The following RAB22A variants were observed in gnomAD, a reference collection of about 807,000 sequenced individuals.
RAB22A encodes RAB22A, member RAS oncogene family.
In RAB22A, 13 loss-of-function variants were observed where a neutral mutation model predicts 30.2. The observed-to-expected ratio is 0.43, with a 90% CI of 0.28 to 0.68. The LOEUF (loss-of-function observed/expected upper bound fraction) is 0.68, where lower values mean the gene tolerates loss of function less well. Ranked by LOEUF, RAB22A falls within the 30% of genes least tolerant of loss-of-function variation. The pLI is 0.18. For missense variants in RAB22A, 177 were observed against 246.8 expected (o/e 0.72, Z 1.89); for synonymous variants, 89 against 87.2 (o/e 1.02, Z -0.11).
At chr20:58,323,415 G>C (rs1986496622) in intron 2 of RAB22A, among the ~76,000 whole-genome samples, 1 of 151,608 alleles carries the variant, frequency 6.6e-6, no homozygotes, top group Non-Finnish European at 1.5e-5. Flanking sequence ...TATCACCTGG[G>C]AATTAGTTTT....
At chr20:58,333,276 C>CATAAATAAATAAATAA (rs58194504) in intron 2 of RAB22A, among the ~76,000 whole-genome samples, 13,905 of 143,578 alleles carry the variant, frequency 0.097, 762 homozygotes, top group South Asian at 0.12. Flanking sequence ...GAGACTCCAT[C>CATAAATAAATAAATAA]ATAAATAAAT....
At chr20:58,339,483 T>C (rs1313719576) in intron 2 of RAB22A, among the ~76,000 whole-genome samples, 1 of 152,204 alleles carries the variant, frequency 6.6e-6, no homozygotes, top group Non-Finnish European at 1.5e-5. Flanking sequence ...ATCCTAGAGT[T>C]CTAGTGACAA....
rs977859838 is a variant in RAB22A, at chr20:58,362,496, A to G, written c.*2793A>G. ...TTTTAAAACTCTCAGGACTGAACAG[A>G]AGAGAAAAATTATTAATTAGCTGCT... On this transcript the variant is annotated 3_prime_UTR_variant, in exon 7 of 7. Coordinates refer to ENST00000244040, the MANE Select transcript of RAB22A (RefSeq NM_020673.3). The G allele has an allele frequency of 1.4e-4, 21 of 152,236 alleles. No homozygotes were observed. The highest frequency in any genetic ancestry group is 5.1e-4 in the African/African-American group (21 of 41,448). The allele number at this position is 152,236 out of a possible 1,614,324, so 9.4% of individuals were successfully genotyped here.
At position 58,361,867 on chromosome 20, in the gene RAB22A, G is replaced by A. The variant is rs1987233206; in HGVS notation, c.*2164G>A. 1 of 151,944 alleles carries A rather than the reference G, an allele frequency of 6.6e-6. No homozygotes were observed. The highest frequency in any genetic ancestry group is 1.5e-5 in the Non-Finnish European group (1 of 68,014). The allele number at this position is 151,944 out of a possible 1,614,324, so 9.4% of individuals were successfully genotyped here. On this transcript the variant is annotated 3_prime_UTR_variant, in exon 7 of 7. Coordinates refer to ENST00000244040, the MANE Select transcript of RAB22A (RefSeq NM_020673.3). ...ATGGTGTCTCGGTGCATGGGGAAAG[G>A]CAAGGTCTTCTGAGCTCATCTTAAC...
At chr20:58,313,096 G>A (rs1912330972) in intron 2 of RAB22A, among the ~76,000 whole-genome samples, 1 of 152,096 alleles carries the variant, frequency 6.6e-6, no homozygotes, top group Non-Finnish European at 1.5e-5. Context: ...GGCTAGAAGT[G>A]CTCTCTCAAA....
intron 2 of RAB22A, among the ~76,000 whole-genome samples, chr20:58,322,455 C>A (rs1328475486): frequency 7.9e-5 from 12 of 152,186 alleles, no homozygotes; most frequent in Admixed American, 7.9e-4. Flanking sequence ...TAACAAATTT[C>A]TGTTGTATAG....
rs2122979980 is a variant in RAB22A at position 58,364,577 on chromosome 20, TAA to T, written c.*4875_*4876del. 6.6e-6 allele frequency: 1 copy of T among 152,326 alleles called. No homozygotes were observed. The highest frequency in any genetic ancestry group is 1.5e-5 in the Non-Finnish European group (1 of 68,030). 9.4% of individuals were successfully genotyped at this position (152,326 alleles called of 1,614,324 possible). A position where few individuals can be genotyped will look rare whatever the true frequency, so the allele number is the denominator to read the frequency against. On this transcript the variant is annotated 3_prime_UTR_variant, in exon 7 of 7. Coordinates refer to ENST00000244040, the MANE Select transcript of RAB22A (RefSeq NM_020673.3). ...TCTAACAGATTTAACAAAAAGTGTTTAATTTACTGCAAGTTCATTTTTAGATC... is the reference window on the plus strand; with the variant it reads ...TCTAACAGATTTAACAAAAAGTGTTTTTTACTGCAAGTTCATTTTTAGATC...
At chr20:58,350,915 A>G (rs1987037471) in intron 3 of RAB22A, among the ~76,000 whole-genome samples, 2 of 152,268 alleles carry the variant, frequency 1.3e-5, no homozygotes, top group Non-Finnish European at 2.9e-5. Flanking sequence ...TGTATAGTTT[A>G]TAGCATATAT....
chr20:58,350,677 A>G (rs1987033402), intron 3 of RAB22A, among the ~76,000 whole-genome samples: 1 of 152,240 alleles, frequency 6.6e-6, no homozygotes. Flanking sequence ...GTTTGCCAAA[A>G]TTAGTTTTCA....
chr20:58,344,929 G>A (rs762662729), intron 3 of RAB22A, among the ~76,000 whole-genome samples: 3 of 152,070 alleles, frequency 2.0e-5, no homozygotes, highest in Admixed American at 6.6e-5. Flanking sequence ...TCTGCTTACC[G>A]TCTTCCACTC....
At chr20:58,316,507 C>T (rs915806809) in intron 2 of RAB22A, among the ~76,000 whole-genome samples, 2 of 152,140 alleles carry the variant, frequency 1.3e-5, no homozygotes, top group Admixed American at 1.3e-4. Flanking sequence ...TTCCAGGAAC[C>T]CCCTTCCTCT....
intron 3 of RAB22A, among the ~76,000 whole-genome samples, chr20:58,350,852 TTTC>T (rs1202637183): frequency 6.6e-6 from 1 of 152,250 alleles, no homozygotes; most frequent in Non-Finnish European, 1.5e-5. Context: ...ACGTATGTTT[TTTC>T]TTCTTCAATT....
chr20:58,345,075 G>A (rs1302131252), intron 3 of RAB22A, among the ~76,000 whole-genome samples: 1 of 152,086 alleles, frequency 6.6e-6, no homozygotes, highest in East Asian at 1.9e-4. Context: ...TGTAGACACA[G>A]CCCTGGGTTC....
At chr20:58,312,897 G>T (rs1448514156) in intron 2 of RAB22A, among the ~76,000 whole-genome samples, 3 of 152,160 alleles carry the variant, frequency 2.0e-5, no homozygotes, top group African/African-American at 7.2e-5. Context: ...TGTCCTTTAA[G>T]AAAGAGCTGG....
intron 2 of RAB22A, among the ~76,000 whole-genome samples, chr20:58,319,446 G>A (rs1212484118): frequency 1.3e-5 from 2 of 152,160 alleles, no homozygotes; most frequent in African/African-American, 4.8e-5. Context: ...ACAATATTGT[G>A]TTCATTGCTG....
At chr20:58,310,419 C>T (rs1986201837) in intron 1 of RAB22A, among the ~76,000 whole-genome samples, 1 of 152,230 alleles carries the variant, frequency 6.6e-6, no homozygotes, top group African/African-American at 2.4e-5. Context: ...CATTAGCCTA[C>T]TTTGTCTCTT....
rs1352146987 is a variant in RAB22A at position 58,336,099 on chromosome 20, T to C, written c.117-7619T>C. 3.3e-5 allele frequency among the ~76,000 whole-genome samples: 5 copies of C among 152,148 alleles called. 1 individual carries two copies. The highest frequency in any genetic ancestry group is 7.3e-5 in the Non-Finnish European group (5 of 68,030). ...ATCTCAGCTCACTGCAACCTCCACC[T>C]CCTGGGTTCAAGCGATTCTCCTGCC... On this transcript the variant is annotated intron_variant, in intron 2 of 6. Coordinates refer to ENST00000244040, the MANE Select transcript of RAB22A (RefSeq NM_020673.3).
At position 58,314,905 on chromosome 20, in the gene RAB22A, G is replaced by GGAC. The variant is rs201613204; in HGVS notation, c.116+3785_116+3787dup. ...AAGTGAAGTAGTTGGTGGTGGTGAG[G>GGAC]GACGGTGGGTAGAAAAGAACCAGAA... On this transcript the variant is annotated intron_variant, in intron 2 of 6. Coordinates refer to ENST00000244040, the MANE Select transcript of RAB22A (RefSeq NM_020673.3). Among the ~76,000 whole-genome samples, 341 of 152,232 alleles carry GGAC rather than the reference G, an allele frequency of 2.2e-3. 1 individual carries two copies. Among genetic ancestry groups the GGAC allele is most frequent in the African/African-American group, 7.7e-3 (321 of 41,540 alleles).
At chr20:58,350,844 G>A (rs964210189) in intron 3 of RAB22A, among the ~76,000 whole-genome samples, 8 of 152,202 alleles carry the variant, frequency 5.3e-5, no homozygotes, top group African/African-American at 1.2e-4. Context: ...AAATAGAAAC[G>A]TATGTTTTTT....
Sources: gnomAD v4.1 joint callset for allele counts (sites outside exome capture counted in the v4.1 genomes callset) on GRCh38, gnomAD v4.1.1 for gene constraint, MANE v1.5 for transcripts, NCBI Gene and HGNC (gene_info 2026-07-23, HGNC 2026-07-21) for gene names.